NLGN1: variants seen among roughly 807,000 people sequenced by gnomAD.
The protein encoded by NLGN1 is neuroligin 1, also known as neuroligin-1.
NLGN1 carries 12 observed loss-of-function variants against 65.5 expected under a neutral mutation model. That is an observed-to-expected ratio of 0.18 (90% CI 0.12 to 0.30). The LOEUF (loss-of-function observed/expected upper bound fraction) is 0.30, where lower values mean the gene tolerates loss of function less well. Among genes scored for constraint, NLGN1 ranks in the 10% least tolerant of loss-of-function variants. The pLI is 1.00. For synonymous variants in NLGN1, 350 were observed against 359.5 expected, an observed-to-expected ratio of 0.97 and a Z score of 0.30; for missense variants, 750 against 1,007.1, an observed-to-expected ratio of 0.74 and a Z score of 3.46.
chr3:173,735,296 G>A (rs1434401569), intron 3 of NLGN1, among the ~76,000 whole-genome samples: 1 of 152,032 alleles, frequency 6.6e-6, no homozygotes, highest in Non-Finnish European at 1.5e-5. Context: ...TAATACGTGG[G>A]AGTTTATTTT....
chr3:173,873,780 G>A (rs756924376), intron 4 of NLGN1, among the ~76,000 whole-genome samples: 1 of 152,030 alleles, frequency 6.6e-6, no homozygotes, highest in Non-Finnish European at 1.5e-5. Flanking sequence ...AGAGATCTTG[G>A]ACAGTGATGG....
chr3:174,136,964 A>C (rs149161806), intron 4 of NLGN1, among the ~76,000 whole-genome samples: 193 of 152,242 alleles, frequency 1.3e-3, no homozygotes, highest in African/African-American at 4.3e-3. Context: ...CCTACCAAAC[A>C]TAGCTTAGCC....
chr3:173,874,715 A>G (rs554447450), intron 4 of NLGN1, among the ~76,000 whole-genome samples: 62 of 152,342 alleles, frequency 4.1e-4, no homozygotes, highest in African/African-American at 1.3e-3. Flanking sequence ...TCTTAGAGAA[A>G]TAATAACAGC....
At chr3:174,234,667 A>G (rs1435986772) in intron 4 of NLGN1, among the ~76,000 whole-genome samples, 1 of 152,116 alleles carries the variant, frequency 6.6e-6, no homozygotes, top group Non-Finnish European at 1.5e-5. Flanking sequence ...AAACAATGTA[A>G]CAACTGCCTA....
intron 3 of NLGN1, among the ~76,000 whole-genome samples, chr3:173,780,942 C>T (rs1472418787): frequency 5.9e-5 from 9 of 151,886 alleles, no homozygotes; most frequent in Non-Finnish European, 1.5e-5. Context: ...GAGATCGAGA[C>T]CATCATGCCT....
At chr3:174,267,044 G>A (rs983122745) in intron 4 of NLGN1, among the ~76,000 whole-genome samples, 7 of 152,142 alleles carry the variant, frequency 4.6e-5, no homozygotes, top group Non-Finnish European at 2.9e-5. Flanking sequence ...ATTTTATGGG[G>A]TGGGTACTAT....
intron 4 of NLGN1, among the ~76,000 whole-genome samples, chr3:173,896,412 A>T (rs1736367450): frequency 6.6e-6 from 1 of 152,136 alleles, no homozygotes; most frequent in African/African-American, 2.4e-5. Context: ...TCTCCTTTCA[A>T]ATTGAGTTCT....
At chr3:173,852,066 A>G (rs1257867246) in intron 4 of NLGN1, among the ~76,000 whole-genome samples, 5 of 152,072 alleles carry the variant, frequency 3.3e-5, no homozygotes, top group African/African-American at 7.2e-5. Context: ...AGTTGAGACT[A>G]AAAGTAAGTG....
intron 4 of NLGN1, among the ~76,000 whole-genome samples, chr3:173,894,262 C>T (rs763149795): frequency 2.0e-5 from 3 of 152,132 alleles, no homozygotes; most frequent in Non-Finnish European, 4.4e-5. Context: ...AAACACACTA[C>T]CTAGCAAAAA....
chr3:174,199,236 G>A (rs527743875), intron 4 of NLGN1, among the ~76,000 whole-genome samples: 12 of 152,006 alleles, frequency 7.9e-5, no homozygotes, highest in Non-Finnish European at 1.3e-4. Context: ...TTTGACAAAG[G>A]ATGTAAACCT....
Position 174,063,232 on chromosome 3 carries a change from A to G in NLGN1, c.647-212083A>G, listed in dbSNP as rs1737788279. 2.0e-5 allele frequency among the ~76,000 whole-genome samples: 3 copies of G among 152,292 alleles called. No individual in the cohort carries two copies. The South Asian group carries it at 6.2e-4, about 32-fold the overall frequency. ...AATGTTGAAAGACTGTGAAAACTGA[A>G]CTCAGAATTTTATTTCCAAGGAAAA... On this transcript the variant is annotated intron_variant, in intron 4 of 6. Coordinates refer to ENST00000457714, the Ensembl canonical transcript of NLGN1.
chr3:174,096,549 A>G (rs1745573282), intron 4 of NLGN1, among the ~76,000 whole-genome samples: 1 of 152,138 alleles, frequency 6.6e-6, no homozygotes, highest in African/African-American at 2.4e-5. Flanking sequence ...GAAAATGGAT[A>G]ACTTTTAAAT....
At chr3:174,012,930 T>C (rs959303637) in intron 4 of NLGN1, among the ~76,000 whole-genome samples, 3 of 152,174 alleles carry the variant, frequency 2.0e-5, no homozygotes, top group African/African-American at 2.4e-5. Context: ...AAGCAGAACG[T>C]AGAGCTTACA....
chr3:174,117,086 G>A (rs764590405), intron 4 of NLGN1, among the ~76,000 whole-genome samples: 29 of 152,002 alleles, frequency 1.9e-4, no homozygotes, highest in African/African-American at 5.6e-4. Flanking sequence ...AGTAAAAAAG[G>A]TTAAATGCCT....
At chr3:173,434,273 T>C (rs1343845229) in intron 1 of NLGN1, among the ~76,000 whole-genome samples, 2 of 152,314 alleles carry the variant, frequency 1.3e-5, no homozygotes, top group East Asian at 1.9e-4. Context: ...CAAAGTAGAT[T>C]CTAATGTTCA....
chr3:174,147,629 T>G (rs2152699149), intron 4 of NLGN1, among the ~76,000 whole-genome samples: 2 of 151,786 alleles, frequency 1.3e-5, no homozygotes, highest in East Asian at 1.9e-4. Flanking sequence ...AGAGACAGGG[T>G]TTCACATTTT....
rs555726355 is a variant in NLGN1 at position 174,230,347 on chromosome 3, T to C, written c.647-44968T>C. ...TAATGATATACAAATTAAAATGAGA[T>C]GTCATTTTCCCCAATGAAACTATTA... On this transcript the variant is annotated intron_variant, in intron 4 of 6. Transcript: ENST00000457714. 2.0e-5 allele frequency among the ~76,000 whole-genome samples: 3 copies of C among 152,298 alleles called. No individual in the cohort carries two copies. In the South Asian group the frequency reaches 6.2e-4, roughly 32 times the overall value.
intron 4 of NLGN1, among the ~76,000 whole-genome samples, chr3:173,878,606 A>G (rs1349558210): frequency 1.3e-5 from 2 of 150,078 alleles, no homozygotes; most frequent in Non-Finnish European, 3.0e-5. Context: ...TCTGTCTTTT[A>G]TTTGTTCATA....
At chr3:173,453,385 T>G (rs1721967736) in intron 2 of NLGN1, among the ~76,000 whole-genome samples, 1 of 151,744 alleles carries the variant, frequency 6.6e-6, no homozygotes. Flanking sequence ...ATTGGTAGTT[T>G]TTTTTTTTTT....
Sources: gnomAD v4.1 joint callset for allele counts (sites outside exome capture counted in the v4.1 genomes callset) on GRCh38, gnomAD v4.1.1 for gene constraint, MANE v1.5 for transcripts, NCBI Gene and HGNC (gene_info 2026-07-23, HGNC 2026-07-21) for gene names.